Variants in CNBD2 observed in about 807,000 individuals in gnomAD.
CNBD2 encodes cyclic nucleotide binding domain containing 2.
CNBD2 carries 64 observed loss-of-function variants against 63.7 expected under a neutral mutation model. That is an observed-to-expected ratio of 1.00 (90% CI 0.82 to 1.24). The LOEUF (loss-of-function observed/expected upper bound fraction) is 1.24, where lower values mean the gene tolerates loss of function less well. CNBD2 is among the 50% of genes most tolerant of loss of function. The pLI is 0.00. For missense variants in CNBD2, 691 were observed against 713.5 expected, an observed-to-expected ratio of 0.97 and a Z score of 0.36; for synonymous variants, 229 against 255.4, an observed-to-expected ratio of 0.90 and a Z score of 0.99.
intron 8 of CNBD2, among the ~76,000 whole-genome samples, chr20:35,995,679 A>G (rs946215429): frequency 4.6e-5 from 7 of 152,154 alleles, no homozygotes; most frequent in Non-Finnish European, 7.3e-5. Flanking sequence ...GTTGGTGAAC[A>G]TTTGGATTGT....
At chr20:36,002,314 G>C (rs1375858892) in intron 8 of CNBD2, among the ~76,000 whole-genome samples, 1 of 152,238 alleles carries the variant, frequency 6.6e-6, no homozygotes, top group African/African-American at 2.4e-5. Flanking sequence ...GGAGAATCAG[G>C]CAGGGAGGTT....
In CNBD2 at chr20:36,023,873, A is replaced by G. The variant is rs1191103929; in HGVS notation, c.1439+102A>G. ...AAAAATATAATACCTGTTGCTGACA[A>G]GGGTGAAATGAAACTGGGAGTTGTT... On this transcript the variant is annotated intron_variant, in intron 11 of 11. Coordinates refer to ENST00000373973, the MANE Select transcript of CNBD2 (RefSeq NM_001365709.1). The G allele has an allele frequency of 1.1e-5, 11 of 1,042,120 alleles. No homozygotes were observed. In the East Asian group the frequency reaches 2.9e-4, roughly 27 times the overall value. 64.6% of individuals were successfully genotyped at this position (1,042,120 alleles called of 1,614,324 possible). A position where few individuals can be genotyped will look rare whatever the true frequency, so the allele number is the denominator to read the frequency against.
intron 9 of CNBD2, among the ~76,000 whole-genome samples, chr20:36,010,673 G>C (rs1277558760): frequency 6.6e-6 from 1 of 151,754 alleles, no homozygotes. Context: ...TGAGGCATGA[G>C]TATCACTTGA....
chr20:35,973,241 G>A (rs575243877), intron 2 of CNBD2: 27 of 170,998 alleles, frequency 1.6e-4, no homozygotes, highest in Non-Finnish European at 2.8e-4. Flanking sequence ...GAGTAGAGAG[G>A]TGGTCTCCAT....
upstream of CNBD2, among the ~76,000 whole-genome samples, chr20:35,965,546 C>T (rs1042930873): frequency 2.0e-5 from 3 of 152,080 alleles, no homozygotes; most frequent in Non-Finnish European, 2.9e-5. Flanking sequence ...AATGAGGCCC[C>T]AAGTAGTTAA....
chr20:36,007,697 A>G (rs938849894), intron 8 of CNBD2, among the ~76,000 whole-genome samples: 3 of 151,856 alleles, frequency 2.0e-5, no homozygotes, highest in African/African-American at 7.3e-5. Context: ...TAATTCTTTA[A>G]TTTATTGTAG....
chr20:36,008,244 C>T, intron 8 of CNBD2, 53 bp from the exon 9 acceptor site: 1 of 1,448,108 alleles, frequency 6.9e-7, no homozygotes. Flanking sequence ...ACCACCATAA[C>T]CATCATATAT....
At chr20:36,021,607 C>T (rs548044683) in intron 10 of CNBD2, among the ~76,000 whole-genome samples, 1 of 152,252 alleles carries the variant, frequency 6.6e-6, no homozygotes, top group Non-Finnish European at 1.5e-5. Flanking sequence ...TTCTTGAGCC[C>T]TATACAGCTG....
chr20:35,976,120 C>T (rs2056514908), intron 3 of CNBD2, 118 bp downstream of exon 3: 10 of 846,314 alleles, frequency 1.2e-5, no homozygotes, highest in Non-Finnish European at 2.0e-5. Context: ...ACCAACTCAG[C>T]TTGTCACCCT....
At chr20:36,026,036 T>TTGTG (rs1296132441) in intron 11 of CNBD2, among the ~76,000 whole-genome samples, 1 of 151,778 alleles carries the variant, frequency 6.6e-6, no homozygotes, top group Non-Finnish European at 1.5e-5. Context: ...CGGCTTTGTT[T>TTGTG]TGTGTGTGTG....
At chr20:35,956,146 G>A (rs372433278), downstream of CNBD2, among the ~76,000 whole-genome samples, 1 of 152,306 alleles carries the variant, frequency 6.6e-6, no homozygotes. Context: ...TGGAGGAGCA[G>A]GTTTAACAAC....
chr20:35,958,212 C>T (rs1245276392), downstream of CNBD2, among the ~76,000 whole-genome samples: 3 of 152,302 alleles, frequency 2.0e-5, no homozygotes, highest in South Asian at 4.1e-4. Flanking sequence ...GCAGGCGGAT[C>T]ACGAGTTCAG....
At chr20:35,989,484 A>G (rs141203481) in intron 7 of CNBD2, among the ~76,000 whole-genome samples, 120 of 152,298 alleles carry the variant, frequency 7.9e-4, no homozygotes, top group African/African-American at 2.6e-3. Flanking sequence ...CAGGAGAGGG[A>G]ACTCTCTAAA....
At chr20:35,981,914 C>A (rs1323141759) in intron 4 of CNBD2, among the ~76,000 whole-genome samples, 1 of 152,184 alleles carries the variant, frequency 6.6e-6, no homozygotes, top group Non-Finnish European at 1.5e-5. Flanking sequence ...AGTGAGTACT[C>A]TCTAAGAGGT....
rs574654830 is a variant in CNBD2 at position 35,984,164 on chromosome 20, T to C, written c.564+26T>C. On this transcript the variant is annotated intron_variant, in intron 5 of 11. Transcript: ENST00000373973. ...GTAAGCCCAGGGGAAGGACCCAGTT[T>C]CCTGGGGTGGAGTGGGTGGAGGTGA... The C allele has an allele frequency of 5.7e-6, 9 of 1,574,426 alleles. No individual in the cohort carries two copies. In the South Asian group the frequency reaches 7.2e-5, roughly 13 times the overall value.
intron 8 of CNBD2, among the ~76,000 whole-genome samples, chr20:36,007,042 A>G (rs1215023810): frequency 6.6e-6 from 1 of 152,050 alleles, no homozygotes; most frequent in Non-Finnish European, 1.5e-5. Context: ...ACAGAAAATT[A>G]GCTGGGCGTG....
chr20:35,984,777 A>G lies in CNBD2; in HGVS notation c.715A>G (p.Arg239Gly). The change falls in exon 6 of 12, where the codon AGG becomes GGG. Residue 239 changes from arginine to glycine, a missense_variant and splice_region_variant. Transcript: ENST00000373973. ...KDAQYRFEFF[R>G]KMELFASWSD... The stretch of plus-strand genomic sequence containing the variant: ...TGCTCAGTATCGGTTTGAATTTTTT[A>G]GGTAACTCTGCCTTCATTCAACATT... The G allele has an allele frequency of 6.2e-7, 1 of 1,614,070 alleles. No individual in the cohort carries two copies. The highest frequency in any genetic ancestry group is 1.1e-5 in the South Asian group (1 of 91,066).
chr20:35,962,260 T>A (rs1026176034), intron 2 of CNBD2, among the ~76,000 whole-genome samples: 1 of 147,322 alleles, frequency 6.8e-6, no homozygotes, highest in Admixed American at 6.7e-5. Flanking sequence ...CTGCAGTCTT[T>A]TTTTTTTTTT....
chr20:36,007,013 C>A (rs553678518), intron 8 of CNBD2, among the ~76,000 whole-genome samples: 1 of 151,952 alleles, frequency 6.6e-6, no homozygotes, highest in Non-Finnish European at 1.5e-5. Context: ...CATGGTGAAA[C>A]CCTGTCTCTA....
Sources: gnomAD v4.1 joint callset for allele counts (sites outside exome capture counted in the v4.1 genomes callset) on GRCh38, gnomAD v4.1.1 for gene constraint, MANE v1.5 for transcripts, NCBI Gene and HGNC (gene_info 2026-07-23, HGNC 2026-07-21) for gene names.